The following ZBTB44 variants were observed in gnomAD, a reference collection of about 807,000 sequenced individuals.
ZBTB44 encodes zinc finger and BTB domain-containing protein 44.
ZBTB44 carries 15 observed loss-of-function variants against 54.0 expected under a neutral mutation model. The ratio of observed to expected loss-of-function variants is 0.28; its 90% CI spans 0.19 to 0.43. ZBTB44 has a LOEUF of 0.43. Ranked by LOEUF, ZBTB44 falls within the 20% of genes least tolerant of loss-of-function variation. ZBTB44 has a pLI of 1.00. For synonymous variants in ZBTB44, 230 were observed against 250.1 expected (o/e 0.92, Z 0.76); for missense variants, 487 against 707.1 (o/e 0.69, Z 3.53).
At chr11:130,302,566 A>C (rs1178689703) in intron 1 of ZBTB44, among the ~76,000 whole-genome samples, 1 of 152,234 alleles carries the variant, frequency 6.6e-6, no homozygotes, top group African/African-American at 2.4e-5. Flanking sequence ...CAAAGCAGAA[A>C]GTAAGAAGAG....
chr11:130,284,176 A>G (rs1940759271), intron 1 of ZBTB44, among the ~76,000 whole-genome samples: 1 of 152,080 alleles, frequency 6.6e-6, no homozygotes. Context: ...ATTTTTTCAC[A>G]TTTAATATTA....
intron 2 of ZBTB44, among the ~76,000 whole-genome samples, chr11:130,245,650 C>T (rs12288250): frequency 0.032 from 4,931 of 151,986 alleles, 247 homozygotes; most frequent in African/African-American, 0.11. Context: ...AGACTGGCAT[C>T]GGCTTCTCAC....
At chr11:130,274,201 T>C (rs776275683) in intron 1 of ZBTB44, among the ~76,000 whole-genome samples, 11 of 152,334 alleles carry the variant, frequency 7.2e-5, no homozygotes, top group South Asian at 2.1e-4. Flanking sequence ...AATGCTCTAA[T>C]GAGGATTTTG....
chr11:130,233,526 C>T (rs1171605328), intron 6 of ZBTB44, 144 bp from the exon 7 acceptor site: 1 of 1,439,396 alleles, frequency 6.9e-7, no homozygotes, highest in Non-Finnish European at 9.1e-7. Context: ...ACCATAAATA[C>T]TTCCAAAAAC....
intron 2 of ZBTB44, among the ~76,000 whole-genome samples, chr11:130,246,043 C>G (rs1565649418): frequency 1.3e-5 from 2 of 152,158 alleles, no homozygotes; most frequent in Non-Finnish European, 1.5e-5. Context: ...AATGCACCAA[C>G]AGCTAAAAAT....
chr11:130,282,552 G>T (rs917014399), intron 1 of ZBTB44, among the ~76,000 whole-genome samples: 2 of 152,164 alleles, frequency 1.3e-5, no homozygotes, highest in Admixed American at 6.5e-5. Flanking sequence ...CTTTTCTACA[G>T]ATTTTAAATC....
chr11:130,248,904 G>A (rs1937754446), intron 2 of ZBTB44, among the ~76,000 whole-genome samples: 1 of 152,076 alleles, frequency 6.6e-6, no homozygotes, highest in African/African-American at 2.4e-5. Flanking sequence ...AGGAGTTTGA[G>A]ACCAACCTGG....
At chr11:130,233,216 A>C (rs1490392880) in intron 7 of ZBTB44, 92 bp downstream of exon 7, 1 of 1,478,200 alleles carries the variant, frequency 6.8e-7, no homozygotes, top group Non-Finnish European at 9.1e-7. Flanking sequence ...GCAATGACAC[A>C]GTCAGGCATT....
rs1395433844 is a variant in ZBTB44, at chr11:130,240,041, A to T, written c.1019-145T>A. On this transcript the variant is annotated intron_variant, in intron 2 of 7. Transcript: ENST00000357899. ...TTATTAATCCAAAGTAGTGTTCTAC[A>T]TTTTTTTTTTTTTTTTTTGAGACTG... 2.1e-4 allele frequency: 69 copies of T among 321,770 alleles called. No individual in the cohort carries two copies. In the Middle Eastern group the frequency reaches 2.6e-3, roughly 12 times the overall value. The allele number at this position is 321,770 out of a possible 1,614,324, so 19.9% of individuals were successfully genotyped here. A position where few individuals can be genotyped will look rare whatever the true frequency, so the allele number is the denominator to read the frequency against.
chr11:130,238,839 C>A (rs1416586077), intron 3 of ZBTB44: 2 of 388,506 alleles, frequency 5.1e-6, no homozygotes, highest in South Asian at 8.8e-5. Flanking sequence ...GAAGTCATAT[C>A]GTGTAGGGCT....
intron 1 of ZBTB44, among the ~76,000 whole-genome samples, chr11:130,297,435 C>CT (rs1941716062): frequency 6.6e-6 from 1 of 152,232 alleles, no homozygotes; most frequent in Non-Finnish European, 1.5e-5. Context: ...TACCTCTGCA[C>CT]AAGCAGTTAA....
chr11:130,232,878 CT>C (rs1953931530), intron 7 of ZBTB44: 1 of 154,128 alleles, frequency 6.5e-6, no homozygotes, highest in Non-Finnish European at 1.4e-5. Flanking sequence ...TGGAGCATGC[CT>C]ATAATCCTAG....
At chr11:130,248,114 A>C (rs754176707) in intron 2 of ZBTB44, among the ~76,000 whole-genome samples, 7 of 152,216 alleles carry the variant, frequency 4.6e-5, no homozygotes, top group Non-Finnish European at 7.3e-5. Flanking sequence ...CTAGAAAGAC[A>C]AGATACCTCT....
chr11:130,245,206 T>C (rs916952556), intron 2 of ZBTB44, among the ~76,000 whole-genome samples: 1 of 152,222 alleles, frequency 6.6e-6, no homozygotes, highest in Non-Finnish European at 1.5e-5. Context: ...GTGTGTGTCT[T>C]TTCTTTTTCT....
chr11:130,263,527 G>A (rs747152676), intron 1 of ZBTB44, among the ~76,000 whole-genome samples: 15 of 152,280 alleles, frequency 9.9e-5, no homozygotes, highest in Non-Finnish European at 2.1e-4. Flanking sequence ...TTATAATCCA[G>A]GGACCATCTG....
chr11:130,282,656 T>C (rs766863847), intron 1 of ZBTB44, among the ~76,000 whole-genome samples: 8 of 152,228 alleles, frequency 5.3e-5, no homozygotes, highest in Admixed American at 1.3e-4. Context: ...CTTCTACTAA[T>C]TAAATCACTT....
At chr11:130,314,017 A>G (rs1364276366) in intron 1 of ZBTB44, among the ~76,000 whole-genome samples, 2 of 151,886 alleles carry the variant, frequency 1.3e-5, no homozygotes, top group Non-Finnish European at 2.9e-5. Context: ...GAAAAAGCAG[A>G]AGGGGAAAGG....
At chr11:130,251,654 A>C (rs1938015096) in intron 2 of ZBTB44, among the ~76,000 whole-genome samples, 1 of 152,200 alleles carries the variant, frequency 6.6e-6, no homozygotes, top group Non-Finnish European at 1.5e-5. Context: ...TCAATCCAGA[A>C]TTTCATATCC....
chr11:130,313,922 G>C (rs867767129), intron 1 of ZBTB44, among the ~76,000 whole-genome samples: 2 of 129,326 alleles, frequency 1.5e-5, no homozygotes, highest in African/African-American at 5.8e-5. Context: ...GTGTGTGTGT[G>C]TATGTGTGTG....
Sources: allele counts gnomAD v4.1 joint callset (sites outside exome capture counted in the v4.1 genomes callset), GRCh38; gene constraint gnomAD v4.1.1; transcripts MANE v1.5; gene names NCBI Gene and HGNC (gene_info 2026-07-23, HGNC 2026-07-21).